Variants in G3BP2 observed in about 807,000 individuals in gnomAD.
The protein encoded by G3BP2 is ras GTPase-activating protein-binding protein 2.
A neutral mutation model predicts 56.7 loss-of-function variants in G3BP2; 11 were observed. The ratio of observed to expected loss-of-function variants is 0.19; its 90% CI spans 0.12 to 0.32. G3BP2 has a LOEUF of 0.32. Ranked by LOEUF, G3BP2 falls within the 10% of genes least tolerant of loss-of-function variation. G3BP2 has a pLI of 1.00. For missense variants in G3BP2, 340 were observed against 610.9 expected (o/e 0.56, Z 4.67); for synonymous variants, 165 against 191.6 (o/e 0.86, Z 1.15).
At chr4:75,671,004 A>G (rs1733439609) in intron 1 of G3BP2, among the ~76,000 whole-genome samples, 1 of 152,258 alleles carries the variant, frequency 6.6e-6, no homozygotes, top group South Asian at 2.1e-4. Context: ...TATGGTTTCA[A>G]GATAGGGTAA....
intron 3 of G3BP2, among the ~76,000 whole-genome samples, chr4:75,711,729 T>C (rs1333397124): frequency 6.6e-6 from 1 of 151,204 alleles, no homozygotes; most frequent in Non-Finnish European, 1.5e-5. Flanking sequence ...ATAAATAATA[T>C]AATATAATAT....
upstream of G3BP2, among the ~76,000 whole-genome samples, chr4:75,674,724 T>TATATATATATATATAG (rs56408001): frequency 1.4e-5 from 1 of 71,402 alleles, no homozygotes; most frequent in Non-Finnish European, 2.9e-5. Flanking sequence ...ATATATTTTT[T>TATATATATATATATAG]TTTTTTTTTT....
At chr4:75,686,933 A>C (rs1178856437) in intron 3 of G3BP2, among the ~76,000 whole-genome samples, 1 of 152,180 alleles carries the variant, frequency 6.6e-6, no homozygotes, top group Non-Finnish European at 1.5e-5. Context: ...AAGCATTTAA[A>C]AGCAGTACTT....
Position 75,651,263 on chromosome 4 carries a change from T to G in G3BP2, c.826-2522A>C, listed in dbSNP as rs143949995. ...ACTAAATGCACCTTTATTACAAAAT[T>G]TAAGAAAAACCTTAGACTCATTCAA... On this transcript the variant is annotated intron_variant, in intron 8 of 11. Transcript: ENST00000359707. 4.6e-3 allele frequency among the ~76,000 whole-genome samples: 700 copies of G among 152,328 alleles called. 5 individuals are homozygous for G. The highest frequency in any genetic ancestry group is 0.015 in the African/African-American group (639 of 41,578).
At chr4:75,723,643 C>T (rs765427057) in intron 1 of G3BP2, among the ~76,000 whole-genome samples, 1 of 152,132 alleles carries the variant, frequency 6.6e-6, no homozygotes, top group African/African-American at 2.4e-5. Flanking sequence ...CTGAGCACGG[C>T]ACGCACACAG....
At chr4:75,649,837 C>T (rs1277248787) in intron 8 of G3BP2, among the ~76,000 whole-genome samples, 1 of 152,010 alleles carries the variant, frequency 6.6e-6, no homozygotes, top group Non-Finnish European at 1.5e-5. Context: ...TGGCGAAACC[C>T]AGTCTCTACT....
chr4:75,693,649 C>T (rs144945919), intron 3 of G3BP2, among the ~76,000 whole-genome samples: 6,314 of 151,740 alleles, frequency 0.042, 185 homozygotes, highest in Middle Eastern at 0.065. Flanking sequence ...ATTAGCTGGG[C>T]GCGGTGGCGG....
At chr4:75,680,917 G>A (rs1734045315) in intron 3 of G3BP2, among the ~76,000 whole-genome samples, 1 of 150,866 alleles carries the variant, frequency 6.6e-6, no homozygotes. Context: ...GCAGTGAGCT[G>A]AGATCATGCC....
chr4:75,660,245 TATTA>T (rs1732438484), intron 2 of G3BP2, among the ~76,000 whole-genome samples: 1 of 152,158 alleles, frequency 6.6e-6, no homozygotes. Flanking sequence ...CAAAAGGCCC[TATTA>T]ATTATTTATC....
At chr4:75,660,825 ATCT>A (rs2148996122) in intron 2 of G3BP2, among the ~76,000 whole-genome samples, 1 of 152,330 alleles carries the variant, frequency 6.6e-6, no homozygotes, top group South Asian at 2.1e-4. Context: ...AGTTTCACCT[ATCT>A]TCTACTTGCT....
chr4:75,699,061 T>G (rs891861390), intron 3 of G3BP2, among the ~76,000 whole-genome samples: 1 of 152,134 alleles, frequency 6.6e-6, no homozygotes, highest in Non-Finnish European at 1.5e-5. Context: ...TCTGTCCCAC[T>G]TGTTACTTTC....
In G3BP2 at chr4:75,646,410, C is replaced by T; in HGVS notation, c.1104G>A (p.Gly368=). 6.2e-7 allele frequency: 1 copy of T among 1,609,232 alleles called. No homozygotes were observed. Among genetic ancestry groups the T allele is most frequent in the Middle Eastern group, 1.7e-4 (1 of 6,056 alleles). ...CAAAACCAAAATTTGGAAGCTTTCC[C>T]CCAACACCCTTGGTATTGATGCGAA... ...VELRINTKGV[G]GKLPNFGFVV... The change falls in exon 11 of 12, where the codon GGG becomes GGA. Residue 368 remains glycine (G), a synonymous_variant. Transcript: ENST00000359707.
intron 5 of G3BP2, among the ~76,000 whole-genome samples, chr4:75,656,147 T>C (rs1303277777): frequency 6.6e-6 from 1 of 151,904 alleles, no homozygotes; most frequent in Non-Finnish European, 1.5e-5. Context: ...TGCACCATCA[T>C]GCCCAGCTAA....
At chr4:75,709,847 T>A (rs1393308007) in intron 3 of G3BP2, among the ~76,000 whole-genome samples, 3 of 70,762 alleles carry the variant, frequency 4.2e-5, no homozygotes, top group African/African-American at 3.1e-4. Context: ...AATAATGCAG[T>A]TTTTTACAGT....
Position 75,697,273 on chromosome 4 carries a change from C to CAAAA in G3BP2, c.-25+23600_-25+23603dup, listed in dbSNP as rs869037819. On this transcript the variant is annotated intron_variant, in intron 3 of 3. Transcript: ENST00000499709. ...TGGCTGACAGAGCGAGACTCTGTCT[C>CAAAA]AAAAAAAAAAAAAAAAAAAAAAAAA... is the stretch of plus-strand genomic sequence containing the variant. Among the ~76,000 whole-genome samples the CAAAA allele has an allele frequency of 5.2e-3, 150 of 28,806 alleles. 16 individuals are homozygous for CAAAA. The highest frequency in any genetic ancestry group is 0.016 in the East Asian group (11 of 694). The allele number at this position is 28,806 out of a possible 152,430, so 18.9% of individuals were successfully genotyped here.
intron 3 of G3BP2, among the ~76,000 whole-genome samples, chr4:75,696,800 T>C (rs1719135277): frequency 6.6e-6 from 1 of 152,170 alleles, no homozygotes; most frequent in Non-Finnish European, 1.5e-5. Context: ...TCCTTTTACA[T>C]AACACAGGTC....
intron 1 of G3BP2, among the ~76,000 whole-genome samples, chr4:75,665,500 C>CT (rs1169350437): frequency 1.3e-5 from 2 of 152,146 alleles, no homozygotes; most frequent in Non-Finnish European, 2.9e-5. Context: ...AATCCCAGCA[C>CT]TTTGGGACGT....
intron 1 of G3BP2, among the ~76,000 whole-genome samples, chr4:75,664,651 C>T (rs906842914): frequency 9.2e-5 from 14 of 152,186 alleles, no homozygotes; most frequent in African/African-American, 3.4e-4. Context: ...AGTTCGAGAC[C>T]AGCCTGACCA....
At chr4:75,650,497 A>G (rs1731607816) in intron 8 of G3BP2, among the ~76,000 whole-genome samples, 1 of 151,490 alleles carries the variant, frequency 6.6e-6, no homozygotes, top group Non-Finnish European at 1.5e-5. Flanking sequence ...CACTGTAACC[A>G]AAAGGAATAT....
Sources: gnomAD v4.1 joint callset for allele counts (sites outside exome capture counted in the v4.1 genomes callset) on GRCh38, gnomAD v4.1.1 for gene constraint, MANE v1.5 for transcripts, NCBI Gene and HGNC (gene_info 2026-07-23, HGNC 2026-07-21) for gene names.